Variants in AFF3 observed in about 807,000 individuals in gnomAD.
The protein encoded by AFF3 is AF4/FMR2 family member 3.
In AFF3, 32 loss-of-function variants were observed where a neutral mutation model predicts 129.7. The ratio of observed to expected loss-of-function variants is 0.25; its 90% CI spans 0.19 to 0.33. The LOEUF (loss-of-function observed/expected upper bound fraction) is 0.33, where lower values mean the gene tolerates loss of function less well. Ranked by LOEUF, AFF3 falls within the 10% of genes least tolerant of loss-of-function variation. AFF3 has a pLI of 1.00. For synonymous variants in AFF3, 644 were observed against 635.4 expected (o/e 1.01, Z -0.20); for missense variants, 1,373 against 1,592.0 (o/e 0.86, Z 2.34).
At chr2:99,717,375 T>C (rs1203354383) in intron 11 of AFF3, among the ~76,000 whole-genome samples, 1 of 152,204 alleles carries the variant, frequency 6.6e-6, no homozygotes, top group Non-Finnish European at 1.5e-5. Context: ...CTCCATACAC[T>C]TACCATGATT....
chr2:99,951,083 T>C lies in AFF3; in HGVS notation c.873+55549A>G, dbSNP rs184890285. Among the ~76,000 whole-genome samples, 23 of 152,328 alleles carry C rather than the reference T, an allele frequency of 1.5e-4. No homozygotes were observed. In the East Asian group the frequency reaches 2.5e-3, roughly 17 times the overall value. On this transcript the variant is annotated intron_variant, in intron 7 of 24. Coordinates refer to ENST00000672756, the MANE Select transcript of AFF3 (RefSeq NM_001386135.1). ...TAAAGACTAAGAAAAATTTATTCTA[T>C]AGCTTAACATTTTTAAACATTCTAA...
intron 7 of AFF3, among the ~76,000 whole-genome samples, chr2:99,858,580 C>T (rs139074926): frequency 2.0e-5 from 3 of 152,018 alleles, no homozygotes; most frequent in East Asian, 1.9e-4. Context: ...CAAAAAAGAA[C>T]GAGATCATGT....
intron 7 of AFF3, among the ~76,000 whole-genome samples, chr2:99,892,633 T>G (rs550459748): frequency 3.0e-4 from 45 of 152,282 alleles, no homozygotes; most frequent in Middle Eastern, 3.4e-3. Flanking sequence ...GCTCTCAAAT[T>G]CCAGCTCCTT....
chr2:99,895,956 C>A (rs1159144404), intron 7 of AFF3, among the ~76,000 whole-genome samples: 1 of 150,452 alleles, frequency 6.6e-6, no homozygotes, highest in Admixed American at 6.7e-5. Context: ...GTAGTCCCAG[C>A]TACTTGGGAG....
At chr2:99,906,591 A>G (rs1694731846) in intron 7 of AFF3, among the ~76,000 whole-genome samples, 1 of 152,174 alleles carries the variant, frequency 6.6e-6, no homozygotes, top group Non-Finnish European at 1.5e-5. Context: ...AGTTGACTTT[A>G]AGGAAGAGCA....
At chr2:99,971,436 C>G (rs1389388688) in intron 7 of AFF3, among the ~76,000 whole-genome samples, 1 of 152,216 alleles carries the variant, frequency 6.6e-6, no homozygotes, top group Non-Finnish European at 1.5e-5. Flanking sequence ...ACTCTTCTGG[C>G]TGACTCTCAA....
intron 13 of AFF3, among the ~76,000 whole-genome samples, chr2:99,623,607 T>C (rs1242120880): frequency 6.6e-6 from 1 of 152,204 alleles, no homozygotes; most frequent in South Asian, 2.1e-4. Context: ...ACAATCCCCA[T>C]GGGGACTGCA....
chr2:99,634,001 G>A (rs1372538033), intron 13 of AFF3, among the ~76,000 whole-genome samples: 1 of 132,184 alleles, frequency 7.6e-6, no homozygotes, highest in African/African-American at 2.9e-5. Flanking sequence ...TGCCTCCTCC[G>A]CCTCCTGGGT....
chr2:99,568,909 G>A lies in AFF3; in HGVS notation c.2925C>T (p.Arg975=). The part of the protein sequence containing the change: ...RQKLVFDDMP[R]SADYFMQEAK... The stretch of plus-strand genomic sequence containing the variant: ...CTTCTTGCATAAAATAATCGGCACT[G>A]CGAGGCCTACAAGGAGAGAATGATA... Residue 975 remains arginine (R), a synonymous_variant, in exon 19 of 25, where the codon CGC becomes CGT. Transcript: ENST00000672756. 6.2e-7 allele frequency: 1 copy of A among 1,614,056 alleles called. No homozygotes were observed. The highest frequency in any genetic ancestry group is 8.5e-7 in the Non-Finnish European group (1 of 1,179,930).
At chr2:100,004,271 T>C (rs934149019) in intron 7 of AFF3, among the ~76,000 whole-genome samples, 3 of 152,176 alleles carry the variant, frequency 2.0e-5, no homozygotes, top group South Asian at 2.1e-4. Flanking sequence ...GTCTGTACTA[T>C]TGAGAGGACA....
At chr2:100,049,300 T>A (rs765865009) in intron 4 of AFF3, among the ~76,000 whole-genome samples, 7 of 152,164 alleles carry the variant, frequency 4.6e-5, no homozygotes, top group Non-Finnish European at 1.0e-4. Flanking sequence ...TATTCTCGCA[T>A]CTTATAGGAG....
intron 7 of AFF3, among the ~76,000 whole-genome samples, chr2:99,941,974 TC>T (rs1160853111): frequency 6.6e-6 from 1 of 152,156 alleles, no homozygotes; most frequent in Non-Finnish European, 1.5e-5. Context: ...CAACTGCAAT[TC>T]CTAACTGAAT....
Position 99,651,807 on chromosome 2 carries a change from T to C in AFF3, c.1144-2141A>G, listed in dbSNP as rs139767324. Among the ~76,000 whole-genome samples, 264 of 152,072 alleles carry C rather than the reference T, an allele frequency of 1.7e-3. 1 individual carries two copies. The highest frequency in any genetic ancestry group is 6.2e-3 in the African/African-American group (258 of 41,468). ...GCTGATAGCCCATCACATTTAGATA[T>C]CAGGAAAAATAGAATCTTCAGGTTA... On this transcript the variant is annotated intron_variant, in intron 12 of 24. Coordinates refer to ENST00000672756, the MANE Select transcript of AFF3 (RefSeq NM_001386135.1).
rs1042479126 is a variant in AFF3 at position 99,709,994 on chromosome 2, T to G, written c.1091+17083A>C. On this transcript the variant is annotated intron_variant, in intron 11 of 24. Coordinates refer to ENST00000672756, the MANE Select transcript of AFF3 (RefSeq NM_001386135.1). ...AGTGAGGAAAACAAGTGCTTCTGAG[T>G]CAAACACCTCTGGGGTAAAATCCTG... Among the ~76,000 whole-genome samples, 6 of 152,308 alleles carry G rather than the reference T, an allele frequency of 3.9e-5. No individual in the cohort carries two copies. In the South Asian group the frequency reaches 1.2e-3, roughly 32 times the overall value.
At chr2:99,953,950 G>A (rs1049236872) in intron 7 of AFF3, among the ~76,000 whole-genome samples, 1 of 152,202 alleles carries the variant, frequency 6.6e-6, no homozygotes, top group Non-Finnish European at 1.5e-5. Context: ...ACCTGAGTGA[G>A]TGACTGGGGA....
chr2:99,924,769 C>T (rs956495529), intron 7 of AFF3, among the ~76,000 whole-genome samples: 9 of 152,188 alleles, frequency 5.9e-5, no homozygotes, highest in Admixed American at 5.2e-4. Context: ...CAATCTATCA[C>T]GTGCTATGCT....
At chr2:100,069,753 C>T (rs1009520416) in intron 4 of AFF3, among the ~76,000 whole-genome samples, 1 of 152,016 alleles carries the variant, frequency 6.6e-6, no homozygotes, top group Non-Finnish European at 1.5e-5. Context: ...GTGAATAATG[C>T]CTTAAAATTA....
intron 7 of AFF3, among the ~76,000 whole-genome samples, chr2:99,947,585 AAGAAAGAAAGAAAGAAAGATAGAT>A (rs1675723349): frequency 7.4e-6 from 1 of 134,266 alleles, no homozygotes; most frequent in Admixed American, 7.9e-5. Flanking sequence ...AAAGAAAAGA[AAGAAAGAAAGAAAGAAAGATAGAT>A]AGATAGATAG....
intron 8 of AFF3, among the ~76,000 whole-genome samples, chr2:99,775,722 T>C (rs1369976862): frequency 2.2e-4 from 33 of 151,618 alleles, no homozygotes; most frequent in Non-Finnish European, 2.9e-5. Context: ...CAGGATGCCA[T>C]TCCTCATGGC....
Sources: allele counts gnomAD v4.1 joint callset (sites outside exome capture counted in the v4.1 genomes callset), GRCh38; gene constraint gnomAD v4.1.1; transcripts MANE v1.5; gene names NCBI Gene and HGNC (gene_info 2026-07-23, HGNC 2026-07-21).